The following TDG variants were observed in gnomAD, a reference collection of about 807,000 sequenced individuals.
TDG encodes thymine DNA glycosylase, also known as G/T mismatch-specific thymine DNA glycosylase.
A neutral mutation model predicts 46.1 loss-of-function variants in TDG; 23 were observed. That is an observed-to-expected ratio of 0.50 (90% CI 0.36 to 0.71). The LOEUF (loss-of-function observed/expected upper bound fraction) is 0.71, where lower values mean the gene tolerates loss of function less well. Among genes scored for constraint, TDG ranks in the 30% least tolerant of loss-of-function variants. The pLI, the probability that TDG is intolerant of heterozygous loss-of-function variation, is 0.00. For synonymous variants in TDG, 115 were observed against 161.3 expected, an observed-to-expected ratio of 0.71 and a Z score of 2.18; for missense variants, 304 against 486.7, an observed-to-expected ratio of 0.62 and a Z score of 3.53.
intron 1 of TDG, among the ~76,000 whole-genome samples, chr12:103,972,205 G>C (rs1464245540): frequency 6.6e-6 from 1 of 151,806 alleles, no homozygotes; most frequent in East Asian, 1.9e-4. Context: ...TGCAGCCTCC[G>C]CCTCCCTAGT....
intron 9 of TDG, 26 bp downstream of exon 9, chr12:103,985,754 CCT>C (rs761843389): frequency 1.2e-5 from 17 of 1,406,220 alleles, no homozygotes; most frequent in Non-Finnish European, 1.9e-6. Flanking sequence ...CATGTGTATT[CCT>C]TTCAAAGACG....
chr12:103,983,101 T>G (rs1285159127), intron 5 of TDG, 35 bp from the exon 6 acceptor site: 1 of 1,555,902 alleles, frequency 6.4e-7, no homozygotes, highest in Admixed American at 2.1e-5. Context: ...TATTGTCATA[T>G]TTATATTTTT....
At chr12:103,973,488 C>T (rs544485489) in intron 1 of TDG, among the ~76,000 whole-genome samples, 22 of 152,254 alleles carry the variant, frequency 1.4e-4, no homozygotes, top group African/African-American at 5.1e-4. Context: ...GGGAAGCTGC[C>T]GCTGACCACA....
intron 1 of TDG, among the ~76,000 whole-genome samples, chr12:103,967,317 C>T (rs1483985906): frequency 6.6e-6 from 1 of 152,156 alleles, no homozygotes; most frequent in African/African-American, 2.4e-5. Context: ...AAGCTTTCAC[C>T]TTCAGGAACT....
chr12:103,984,982 T>TA (rs1872048565), intron 8 of TDG, 62 bp downstream of exon 8: 2 of 1,289,320 alleles, frequency 1.6e-6, no homozygotes, highest in African/African-American at 1.5e-5. Context: ...CATATATACT[T>TA]ACATATATAT....
rs761756707 is a variant in TDG at position 103,984,939 on chromosome 12, T to C, written c.964+19T>C. On this transcript the variant is annotated intron_variant, in intron 8 of 9. Transcript: ENST00000392872. ...GCCCAAGGTATGTTACTGTCCTCAT[T>C]CCTTTTATTCATTTTGTGTGTGTAT... 1.4e-6 allele frequency: 2 copies of C among 1,474,588 alleles called. No homozygotes were observed. Among genetic ancestry groups the C allele is most frequent in the South Asian group, 2.8e-5 (2 of 72,546 alleles). 91.3% of individuals were successfully genotyped at this position (1,474,588 alleles called of 1,614,324 possible). A position where few individuals can be genotyped will look rare whatever the true frequency, so the allele number is the denominator to read the frequency against.
Position 103,976,902 on chromosome 12 carries a change from T to C in TDG, c.24-16T>C. ...GTAATTTTATCATTACATCTCATGCTTCATTATTCTTTCAGCTATTCCCTT... is the reference window on the plus strand; with the variant it reads ...GTAATTTTATCATTACATCTCATGCCTCATTATTCTTTCAGCTATTCCCTT... On this transcript the variant is annotated splice_polypyrimidine_tract_variant and intron_variant, in intron 1 of 9. Transcript: ENST00000392872. The C allele has an allele frequency of 1.2e-6, 2 of 1,611,784 alleles. No individual in the cohort carries two copies. The highest frequency in any genetic ancestry group is 1.7e-6 in the Non-Finnish European group (2 of 1,179,534).
intron 1 of TDG, among the ~76,000 whole-genome samples, chr12:103,972,605 C>T (rs1035674901): frequency 2.0e-5 from 3 of 152,162 alleles, no homozygotes; most frequent in African/African-American, 7.2e-5. Context: ...AGAACTAACA[C>T]ATTTGATTTT....
chr12:103,976,035 G>T (rs1362645438), intron 1 of TDG, among the ~76,000 whole-genome samples: 1 of 150,346 alleles, frequency 6.7e-6, no homozygotes, highest in African/African-American at 2.4e-5. Flanking sequence ...AACTTTGGGG[G>T]ACACATTCAA....
At position 103,977,192 on chromosome 12, in the gene TDG, T is replaced by A. The variant is rs1871584367; in HGVS notation, c.166+132T>A. On this transcript the variant is annotated intron_variant, in intron 2 of 9. Transcript: ENST00000392872. Reference sequence around the variant, plus strand: ...ATCCACTTTTTAAGTACTTAGTATGTGCTAAGCACTGATAGGTTCTGGGGA... The same window carrying A: ...ATCCACTTTTTAAGTACTTAGTATGAGCTAAGCACTGATAGGTTCTGGGGA... 3.3e-6 allele frequency: 4 copies of A among 1,230,706 alleles called. No homozygotes were observed. The South Asian group carries it at 6.4e-5, about 20-fold the overall frequency. 76.2% of individuals were successfully genotyped at this position (1,230,706 alleles called of 1,614,324 possible).
In TDG at chr12:103,977,552, C is replaced by G. The variant is rs565032421; in HGVS notation, c.166+492C>G. Among the ~76,000 whole-genome samples the G allele has an allele frequency of 3.3e-5, 5 of 152,264 alleles. No homozygotes were observed. The South Asian group carries it at 1.0e-3, about 32-fold the overall frequency. On this transcript the variant is annotated intron_variant, in intron 2 of 9. Coordinates refer to ENST00000392872, the MANE Select transcript of TDG (RefSeq NM_003211.6). ...GGCCAGAAACAGAGCAATTCTGTGTCCTTGGAGTCTGGGATATAACAAGGA... is the reference window on the plus strand; with the variant it reads ...GGCCAGAAACAGAGCAATTCTGTGTGCTTGGAGTCTGGGATATAACAAGGA...
At chr12:103,981,083 C>A in intron 4 of TDG, 121 bp downstream of exon 4, 1 of 811,436 alleles carries the variant, frequency 1.2e-6, no homozygotes, top group South Asian at 1.7e-5. Context: ...ATTCGTGTTT[C>A]ATGTTCTGTG....
At chr12:103,980,703 G>A in intron 3 of TDG, 190 bp from the exon 4 acceptor site, 1 of 488,380 alleles carries the variant, frequency 2.0e-6, no homozygotes, top group South Asian at 3.8e-5. Context: ...TTAAAATAAA[G>A]AAAATCTCTT....
intron 1 of TDG, among the ~76,000 whole-genome samples, chr12:103,968,957 C>T (rs1163926337): frequency 3.9e-5 from 6 of 152,062 alleles, no homozygotes; most frequent in Non-Finnish European, 4.4e-5. Context: ...GGTGAAACCC[C>T]GTCTCTACTA....
chr12:103,980,795 T>C, intron 3 of TDG, 98 bp from the exon 4 acceptor site: 1 of 1,003,786 alleles, frequency 1.0e-6, no homozygotes, highest in Non-Finnish European at 1.5e-6. Flanking sequence ...TAAATTTGTA[T>C]TTTAATCAAC....
chr12:103,988,454 T>C lies in TDG; in HGVS notation c.*1364T>C, dbSNP rs1872305842. 6.5e-6 allele frequency: 1 copy of C among 152,764 alleles called. No individual in the cohort carries two copies. Among genetic ancestry groups the C allele is most frequent in the Non-Finnish European group, 1.5e-5 (1 of 68,070 alleles). 9.5% of individuals were successfully genotyped at this position (152,764 alleles called of 1,614,324 possible). On this transcript the variant is annotated 3_prime_UTR_variant, in exon 10 of 10. Coordinates refer to ENST00000392872, the MANE Select transcript of TDG (RefSeq NM_003211.6). ...CCTAGGTCAAGCTGTGTAAAAGTCA[T>C]TTATGTTATTTAAATGATGTACTGT...
chr12:103,980,667 G>A (rs1871779601), intron 3 of TDG: 1 of 425,196 alleles, frequency 2.4e-6, no homozygotes, highest in East Asian at 4.0e-5. Flanking sequence ...GAGTCAAACT[G>A]GTTTTTTAAA....
In TDG at chr12:103,969,870, C is replaced by T. The variant is rs1593507122; in HGVS notation, c.23+3810C>T. Among the ~76,000 whole-genome samples, 3 of 151,966 alleles carry T rather than the reference C, an allele frequency of 2.0e-5. No individual in the cohort carries two copies. The South Asian group carries it at 6.2e-4, about 32-fold the overall frequency. ...CTTTATCTGGAGTTTTGTTTGATTC[C>T]GAGCACCAAAAAATGAAGAAATTTG... On this transcript the variant is annotated intron_variant, in intron 1 of 9. Transcript: ENST00000392872.
chr12:103,973,036 A>G, intron 1 of TDG: 1 of 694,548 alleles, frequency 1.4e-6, no homozygotes, highest in Non-Finnish European at 2.6e-6. Flanking sequence ...GGAGAGTGGT[A>G]GGTAGATTGC....
Sources: allele counts gnomAD v4.1 joint callset (sites outside exome capture counted in the v4.1 genomes callset), GRCh38; gene constraint gnomAD v4.1.1; transcripts MANE v1.5; gene names NCBI Gene and HGNC (gene_info 2026-07-23, HGNC 2026-07-21).